GALNTL5: variants seen among roughly 807,000 people sequenced by gnomAD.
The protein encoded by GALNTL5 is inactive polypeptide N-acetylgalactosaminyltransferase-like protein 5.
Under a neutral mutation model 51.0 loss-of-function variants are expected in GALNTL5, and 44 were observed. That is an observed-to-expected ratio of 0.86 (90% CI 0.68 to 1.11). The LOEUF (loss-of-function observed/expected upper bound fraction) is 1.11. Among genes scored for constraint, GALNTL5 ranks in the 50% least tolerant of loss-of-function variants. The probability of loss-of-function intolerance (pLI) is 0.00; values close to 1 mark genes in which losing one functional copy is unlikely to be tolerated. For synonymous variants in GALNTL5, 192 were observed against 182.8 expected (o/e 1.05, Z -0.41); for missense variants, 528 against 531.8 (o/e 0.99, Z 0.07).
intron 5 of GALNTL5, among the ~76,000 whole-genome samples, chr7:151,990,238 T>C (rs2081409902): frequency 6.6e-6 from 1 of 151,868 alleles, no homozygotes; most frequent in Non-Finnish European, 1.5e-5. Context: ...CAGAAGGGGT[T>C]TCACCATATT....
intron 7 of GALNTL5, among the ~76,000 whole-genome samples, chr7:152,013,759 T>A (rs889692541): frequency 3.3e-5 from 5 of 152,306 alleles, no homozygotes; most frequent in African/African-American, 1.2e-4. Flanking sequence ...AATCAAGTTA[T>A]CTTAATGTTT....
chr7:152,019,315 C>T (rs1046523785), intron 8 of GALNTL5, among the ~76,000 whole-genome samples: 3 of 152,146 alleles, frequency 2.0e-5, no homozygotes, highest in African/African-American at 4.8e-5. Flanking sequence ...CAGGGACTAA[C>T]GGGGTTTGTC....
At chr7:151,997,578 A>C (rs58667877) in intron 5 of GALNTL5, among the ~76,000 whole-genome samples, 60,457 of 151,710 alleles carry the variant, frequency 0.4, 12,479 homozygotes, top group East Asian at 0.69. Flanking sequence ...CTTAAATCAA[A>C]ATTCAGTAAT....
intron 2 of GALNTL5, among the ~76,000 whole-genome samples, chr7:151,968,113 T>C (rs2081083266): frequency 1.3e-5 from 2 of 151,962 alleles, no homozygotes; most frequent in South Asian, 4.2e-4. Flanking sequence ...CTGGGGAACA[T>C]AGCAAGACAC....
intron 3 of GALNTL5, among the ~76,000 whole-genome samples, chr7:151,980,934 A>G (rs1361192400): frequency 6.6e-6 from 1 of 151,050 alleles, no homozygotes; most frequent in Non-Finnish European, 1.5e-5. Context: ...TTTAGTAGAG[A>G]CGGGGTTTCA....
At chr7:151,966,594 C>G (rs1050914043) in intron 1 of GALNTL5, among the ~76,000 whole-genome samples, 1 of 152,148 alleles carries the variant, frequency 6.6e-6, no homozygotes, top group Non-Finnish European at 1.5e-5. Context: ...CTATGACAAA[C>G]ATTACTTCAA....
intron 1 of GALNTL5, among the ~76,000 whole-genome samples, chr7:151,956,923 G>A (rs2080932772): frequency 6.6e-6 from 1 of 151,852 alleles, no homozygotes; most frequent in Admixed American, 6.6e-5. Context: ...AAAAAAATAG[G>A]GAAATAAAGG....
chr7:152,005,726 G>T (rs1165006293), intron 6 of GALNTL5, among the ~76,000 whole-genome samples: 4 of 152,142 alleles, frequency 2.6e-5, no homozygotes, highest in African/African-American at 9.7e-5. Flanking sequence ...ATTCTTTCAA[G>T]TTCTTAGGCT....
At chr7:152,012,849 C>A (rs187327297) in intron 7 of GALNTL5, among the ~76,000 whole-genome samples, 1 of 152,212 alleles carries the variant, frequency 6.6e-6, no homozygotes, top group Non-Finnish European at 1.5e-5. Context: ...TACCTGTAAT[C>A]CCAGCTACTC....
chr7:152,017,398 G>A (rs2151963546), intron 8 of GALNTL5, among the ~76,000 whole-genome samples: 1 of 152,304 alleles, frequency 6.6e-6, no homozygotes. Flanking sequence ...TACATGGTCA[G>A]GCGTTGACTG....
intron 8 of GALNTL5, among the ~76,000 whole-genome samples, 192 bp downstream of exon 8, chr7:152,014,985 G>C (rs1163110323): frequency 6.6e-6 from 1 of 152,154 alleles, no homozygotes; most frequent in Non-Finnish European, 1.5e-5. Flanking sequence ...ATTATACATG[G>C]ACACAAAGCA....
At chr7:151,970,155 G>GGGC (rs112582303) in intron 2 of GALNTL5, among the ~76,000 whole-genome samples, 11 of 143,832 alleles carry the variant, frequency 7.6e-5, no homozygotes, top group Non-Finnish European at 6.1e-5. Context: ...AGTTGGGGGG[G>GGGC]CCCCCACCAA....
chr7:151,968,262 A>G (rs188087663), intron 2 of GALNTL5, among the ~76,000 whole-genome samples: 38 of 152,232 alleles, frequency 2.5e-4, no homozygotes, highest in African/African-American at 9.2e-4. Flanking sequence ...TTGGGCCACT[A>G]TACTCCAGCC....
chr7:151,987,164 T>A lies in GALNTL5; in HGVS notation c.541T>A (p.Leu181Met), dbSNP rs1211456380. 1 of 1,587,398 alleles carries A rather than the reference T, an allele frequency of 6.3e-7. No individual in the cohort carries two copies. Among genetic ancestry groups the A allele is most frequent in the Non-Finnish European group, 8.5e-7 (1 of 1,171,180 alleles). The change falls in exon 5 of 9, where the codon TTG becomes ATG. Residue 181 changes from leucine (L) to methionine (M), a missense_variant. Physicochemically the swap from Leu to Met is conservative, Grantham distance 15. Coordinates refer to ENST00000392800, the MANE Select transcript of GALNTL5 (RefSeq NM_145292.4). ...TGTGTTGAATATTTTTCCAGATGATTTGAAAGAAAAACTAGACTATCACCT... is the reference window on the plus strand; with the variant it reads ...TGTGTTGAATATTTTTCCAGATGATATGAAAGAAAAACTAGACTATCACCT... ...LVDDMSKVDD[L>M]KEKLDYHLET...
chr7:152,000,801 T>G (rs1362724674), intron 5 of GALNTL5, among the ~76,000 whole-genome samples: 1 of 152,246 alleles, frequency 6.6e-6, no homozygotes, highest in Non-Finnish European at 1.5e-5. Flanking sequence ...TATTTATATA[T>G]TCTCATACAA....
chr7:152,002,941 G>A lies in GALNTL5; in HGVS notation c.886G>A (p.Glu296Lys). The change falls in exon 6 of 9, where the codon GAA becomes AAA. Residue 296 changes from glutamate (E) to lysine (K), a missense_variant. By Grantham distance (56) the Glu-to-Lys change is moderately conservative. Coordinates refer to ENST00000392800, the MANE Select transcript of GALNTL5 (RefSeq NM_145292.4). ...TTTCTCTTATGAGATGGATGGACCAGAAGGATCTACTAAACCAATCCGGTG... is the reference window on the plus strand; with the variant it reads ...TTTCTCTTATGAGATGGATGGACCAAAAGGATCTACTAAACCAATCCGGTG... ...NVFSYEMDGP[E>K]GSTKPIRSPA... The A allele has an allele frequency of 1.2e-6, 2 of 1,614,082 alleles. No homozygotes were observed. The highest frequency in any genetic ancestry group is 1.1e-5 in the South Asian group (1 of 91,076).
chr7:151,959,126 G>A (rs1172395731), intron 1 of GALNTL5, among the ~76,000 whole-genome samples: 1 of 152,102 alleles, frequency 6.6e-6, no homozygotes, highest in Admixed American at 6.6e-5. Flanking sequence ...ATTTCACTGG[G>A]GACCTGCCCC....
intron 1 of GALNTL5, among the ~76,000 whole-genome samples, chr7:151,959,115 G>T (rs993434275): frequency 6.6e-6 from 1 of 152,130 alleles, no homozygotes; most frequent in Non-Finnish European, 1.5e-5. Context: ...TTGAAGGTTG[G>T]ATTTCACTGG....
At chr7:151,974,879 G>T (rs796236053) in intron 3 of GALNTL5, among the ~76,000 whole-genome samples, 7 of 152,192 alleles carry the variant, frequency 4.6e-5, no homozygotes, top group African/African-American at 1.7e-4. Flanking sequence ...GGACTTGGCA[G>T]TTTTAATATT....
Sources: gnomAD v4.1 joint callset for allele counts (sites outside exome capture counted in the v4.1 genomes callset) on GRCh38, gnomAD v4.1.1 for gene constraint, MANE v1.5 for transcripts, NCBI Gene and HGNC (gene_info 2026-07-23, HGNC 2026-07-21) for gene names.